The following OPCML variants were observed in gnomAD, a reference collection of about 807,000 sequenced individuals.
OPCML encodes the protein opioid-binding protein/cell adhesion molecule.
OPCML carries 13 observed loss-of-function variants against 37.8 expected under a neutral mutation model. That is an observed-to-expected ratio of 0.34 (90% confidence interval 0.22 to 0.55). The LOEUF (loss-of-function observed/expected upper bound fraction) is 0.55, where lower values mean the gene tolerates loss of function less well. Ranked by LOEUF, OPCML falls within the 20% of genes least tolerant of loss-of-function variation. The pLI is 0.91. For missense variants in OPCML, 341 were observed against 435.6 expected, an observed-to-expected ratio of 0.78 and a Z score of 1.93; for synonymous variants, 176 against 168.8, an observed-to-expected ratio of 1.04 and a Z score of -0.33.
intron 2 of OPCML, among the ~76,000 whole-genome samples, chr11:132,940,474 A>G (rs2136666163): frequency 6.6e-6 from 1 of 152,360 alleles, no homozygotes; most frequent in East Asian, 1.9e-4. Flanking sequence ...TTAAGGAGGC[A>G]AAAGAGTAAG....
intron 4 of OPCML, among the ~76,000 whole-genome samples, chr11:132,514,556 T>C (rs959776661): frequency 7.9e-5 from 12 of 152,178 alleles, no homozygotes; most frequent in Admixed American, 6.5e-5. Context: ...CTCGGGAGTA[T>C]AATTCCAGCT....
chr11:133,510,503 T>C (rs919362299), intron 1 of OPCML, among the ~76,000 whole-genome samples: 2 of 152,218 alleles, frequency 1.3e-5, no homozygotes, highest in Non-Finnish European at 2.9e-5. Flanking sequence ...TAGAATTAGC[T>C]TCCCCCTCTC....
intron 1 of OPCML, among the ~76,000 whole-genome samples, chr11:133,281,206 C>T (rs1294248928): frequency 9.9e-5 from 15 of 152,258 alleles, no homozygotes; most frequent in East Asian, 9.7e-4. Context: ...GGATATTTGT[C>T]GCCTCCAAAC....
At chr11:133,035,104 C>T (rs1947754233) in intron 1 of OPCML, among the ~76,000 whole-genome samples, 2 of 152,130 alleles carry the variant, frequency 1.3e-5, no homozygotes, top group Admixed American at 6.5e-5. Flanking sequence ...ATTATCCCTT[C>T]CTGATTTATA....
At chr11:133,153,711 T>C (rs998597789) in intron 1 of OPCML, among the ~76,000 whole-genome samples, 2 of 152,092 alleles carry the variant, frequency 1.3e-5, no homozygotes, top group Admixed American at 1.3e-4. Context: ...GCCTCCACTT[T>C]CCCATCTCCT....
At chr11:133,331,068 T>A (rs920969475) in intron 1 of OPCML, among the ~76,000 whole-genome samples, 6 of 152,022 alleles carry the variant, frequency 3.9e-5, no homozygotes, top group African/African-American at 1.4e-4. Flanking sequence ...AAAGTGAGGA[T>A]CCAGGAGTAA....
At chr11:133,294,167 C>T (rs117292389) in intron 1 of OPCML, among the ~76,000 whole-genome samples, 2,350 of 152,094 alleles carry the variant, frequency 0.015, 22 homozygotes, top group Non-Finnish European at 0.025. Flanking sequence ...TTTAGACCAC[C>T]GAGAAGGATT....
At position 133,094,177 on chromosome 11, in the gene OPCML, T is replaced by C. The variant is rs1948961650; in HGVS notation, c.62-151167A>G. Among the ~76,000 whole-genome samples, 2 of 152,218 alleles carry C rather than the reference T, an allele frequency of 1.3e-5. 1 individual carries two copies. The highest frequency in any genetic ancestry group is 4.1e-4 in the South Asian group (2 of 4,832). On this transcript the variant is annotated intron_variant, in intron 1 of 7. Coordinates refer to ENST00000524381, the MANE Select transcript of OPCML (RefSeq NM_001012393.5). ...GAGTGATGCGAGAGTAGCTGTTAAT[T>C]ACTTTGCCTTTGAGGTTTGCAGATC...
At chr11:132,727,165 T>C (rs1367261642) in intron 2 of OPCML, among the ~76,000 whole-genome samples, 4 of 152,202 alleles carry the variant, frequency 2.6e-5, no homozygotes, top group Admixed American at 2.6e-4. Flanking sequence ...GAAGGTGCTA[T>C]GAAGAGTTCT....
At chr11:132,571,272 G>A (rs1329706442) in intron 3 of OPCML, among the ~76,000 whole-genome samples, 1 of 152,086 alleles carries the variant, frequency 6.6e-6, no homozygotes, top group Admixed American at 6.6e-5. Flanking sequence ...CTGCTTTTGA[G>A]ACTTTTGAAC....
intron 1 of OPCML, among the ~76,000 whole-genome samples, chr11:132,981,368 C>T (rs1334508297): frequency 6.6e-6 from 1 of 152,132 alleles, no homozygotes; most frequent in Non-Finnish European, 1.5e-5. Flanking sequence ...CTGCAGGCAG[C>T]ACTGGGTCCT....
intron 1 of OPCML, among the ~76,000 whole-genome samples, chr11:133,121,643 T>A (rs1281756845): frequency 6.6e-6 from 1 of 152,186 alleles, no homozygotes; most frequent in Non-Finnish European, 1.5e-5. Flanking sequence ...GCTGGTGAGA[T>A]CTGGGGAAAC....
chr11:133,237,437 C>T (rs1565522248), intron 1 of OPCML, among the ~76,000 whole-genome samples: 1 of 152,090 alleles, frequency 6.6e-6, no homozygotes, highest in African/African-American at 2.4e-5. Context: ...ATTACCAGGG[C>T]CAGGACTACA....
chr11:133,391,424 C>T (rs1945171795), intron 1 of OPCML, among the ~76,000 whole-genome samples: 1 of 152,088 alleles, frequency 6.6e-6, no homozygotes, highest in Non-Finnish European at 1.5e-5. Context: ...CAGTAGCTGT[C>T]CTCCATGAGC....
intron 2 of OPCML, among the ~76,000 whole-genome samples, chr11:132,836,040 T>C (rs1940983552): frequency 6.6e-6 from 1 of 152,180 alleles, no homozygotes; most frequent in Admixed American, 6.5e-5. Flanking sequence ...TGCCCATCCA[T>C]GTGCTGAATA....
At position 133,212,271 on chromosome 11, in the gene OPCML, G is replaced by C. The variant is rs149847561; in HGVS notation, c.62-269261C>G. 6.6e-6 allele frequency among the ~76,000 whole-genome samples: 1 copy of C among 152,122 alleles called. No individual in the cohort carries two copies. Among genetic ancestry groups the C allele is most frequent in the East Asian group, 1.9e-4 (1 of 5,196 alleles). ...GTGCACAAAGTCCTCCTAATAGTCC[G>C]TGACAGCCTACACAGCTGGGCATCA... On this transcript the variant is annotated intron_variant, in intron 1 of 7. Transcript: ENST00000524381. This position sits in a 1 kb window ranked among gnomAD's most constrained non-coding sequence, Gnocchi z 4.9.
chr11:133,416,321 T>C (rs1414503536), intron 1 of OPCML, among the ~76,000 whole-genome samples: 2 of 152,244 alleles, frequency 1.3e-5, no homozygotes, highest in Non-Finnish European at 2.9e-5. Context: ...AATTCTTTAA[T>C]GGCTCAAACT....
intron 1 of OPCML, among the ~76,000 whole-genome samples, chr11:133,402,352 T>A (rs1945423645): frequency 6.6e-6 from 1 of 152,196 alleles, no homozygotes; most frequent in African/African-American, 2.4e-5. Flanking sequence ...TTAAAGGTCC[T>A]ACCTCTCAAC....
chr11:133,444,203 A>C (rs1194019510), intron 1 of OPCML, among the ~76,000 whole-genome samples: 13 of 152,146 alleles, frequency 8.5e-5, no homozygotes, highest in Admixed American at 8.5e-4. Flanking sequence ...AAACATGTTT[A>C]AGCAGAGGAG....
Sources: allele counts gnomAD v4.1 joint callset (sites outside exome capture counted in the v4.1 genomes callset), GRCh38; gene constraint gnomAD v4.1.1; non-coding constraint Gnocchi (gnomAD v3.1); transcripts MANE v1.5; gene names NCBI Gene and HGNC (gene_info 2026-07-23, HGNC 2026-07-21).